The following PCNT variants were observed in gnomAD, a reference collection of about 807,000 sequenced individuals.
PCNT encodes the protein kendrin.
PCNT carries 319 observed loss-of-function variants against 380.4 expected under a neutral mutation model. That is an observed-to-expected ratio of 0.84 (90% CI 0.77 to 0.92). PCNT has a LOEUF of 0.92. Ranked by LOEUF, PCNT falls within the 40% of genes least tolerant of loss-of-function variation. The pLI is 0.00. For synonymous variants in PCNT, 1,845 were observed against 1,735.2 expected, an observed-to-expected ratio of 1.06 and a Z score of -1.57; for missense variants, 4,400 against 4,255.3, an observed-to-expected ratio of 1.03 and a Z score of -0.95.
At chr21:46,356,515 C>T (rs1256583567) in intron 12 of PCNT, among the ~76,000 whole-genome samples, 2 of 152,242 alleles carry the variant, frequency 1.3e-5, no homozygotes, top group Non-Finnish European at 2.9e-5. Context: ...GGGTAGCGTG[C>T]CTGGGCACAG....
chr21:46,345,820 G>A (rs1392347254), intron 3 of PCNT, among the ~76,000 whole-genome samples: 2 of 152,194 alleles, frequency 1.3e-5, no homozygotes, highest in Non-Finnish European at 2.9e-5. Context: ...GATGTAAACG[G>A]AACCTCACCA....
intron 4 of PCNT, 115 bp from the exon 5 acceptor site, chr21:46,346,628 C>G: frequency 1.5e-6 from 2 of 1,311,446 alleles, no homozygotes; most frequent in Non-Finnish European, 1.1e-6. Flanking sequence ...CACGGGATGT[C>G]TGCTGTTTCA....
intron 21 of PCNT, among the ~76,000 whole-genome samples, chr21:46,393,114 G>A (rs764622138): frequency 8.5e-5 from 13 of 152,120 alleles, no homozygotes; most frequent in South Asian, 2.1e-4. Flanking sequence ...TCAGGGCGGC[G>A]TCATCTCCCC....
chr21:46,365,247 ATTCACTCCCATGGAGTTCTG>A (rs2084859889), intron 14 of PCNT, among the ~76,000 whole-genome samples: 2 of 143,502 alleles, frequency 1.4e-5, no homozygotes, highest in Non-Finnish European at 3.0e-5. Context: ...GGTTCTATTC[ATTCACTCCCATGGAGTTCTG>A]TTCACTCCCA....
chr21:46,402,355 GA>G lies in PCNT; in HGVS notation c.4991del (p.Lys1664ArgfsTer2). On this transcript the variant is annotated frameshift_variant, in exon 27 of 47. Transcript: ENST00000359568. LOFTEE classifies it high-confidence loss of function. Reference protein sequence around the residue: ...SEVLDLKEQLEKMKGDLESKN... With the variant: ...SEVLDLKEQLXKMKGDLESKN... ...GGTTTTGGACTTAAAAGAACAGCTA[GA>G]AAAGATGAAAGGTGACTTAGAAAGT... is the stretch of plus-strand genomic sequence containing the variant. 1 of 1,609,606 alleles carries G rather than the reference GA, an allele frequency of 6.2e-7. No individual in the cohort carries two copies. Among genetic ancestry groups the G allele is most frequent in the Non-Finnish European group, 8.5e-7 (1 of 1,175,918 alleles).
In PCNT at chr21:46,391,354, G is replaced by A. The variant is rs757863713; in HGVS notation, c.4194G>A (p.Thr1398=). Reference sequence around the variant, plus strand: ...GGAGTCGGGGGGAGGCCACAGCCACGGACGCCGAGGCCAGAGAAGCTGGTA... The same window carrying A: ...GGAGTCGGGGGGAGGCCACAGCCACAGACGCCGAGGCCAGAGAAGCTGGTA... ...RLWSRGEATA[T]DAEAREAALR... Residue 1398 remains threonine, a synonymous_variant, in exon 21 of 47, where the codon ACG becomes ACA. Transcript: ENST00000359568. The A allele has an allele frequency of 1.4e-5, 21 of 1,551,614 alleles. No homozygotes were observed. In the East Asian group the frequency reaches 3.4e-4, roughly 25 times the overall value.
At chr21:46,442,068 G>A (rs1311551306) in intron 43 of PCNT, among the ~76,000 whole-genome samples, 1 of 152,212 alleles carries the variant, frequency 6.6e-6, no homozygotes, top group Admixed American at 6.5e-5. Context: ...GAGGGCTGGG[G>A]TCTCCGTGTT....
In PCNT at chr21:46,359,480, G is replaced by GTTGTTTTTTTTTT. The variant is rs2084609442; in HGVS notation, c.2154+2291_2154+2292insGTTTTTTTTTTTT. On this transcript the variant is annotated intron_variant, in intron 13 of 46. Coordinates refer to ENST00000359568, the MANE Select transcript of PCNT (RefSeq NM_006031.6). Reference sequence around the variant, plus strand: ...TAGTATTCTGTCCAAAAATACACCTGTTTTTTTTTTGTTTTTTTTTTTTTT... The same window carrying GTTGTTTTTTTTTT: ...TAGTATTCTGTCCAAAAATACACCTGTTGTTTTTTTTTTTTTTTTTTTTGTTTTTTTTTTTTTT... Among the ~76,000 whole-genome samples the GTTGTTTTTTTTTT allele has an allele frequency of 2.7e-4, 18 of 65,732 alleles. 4 individuals carry two copies. The highest frequency in any genetic ancestry group is 5.1e-4 in the Non-Finnish European group (15 of 29,608). The allele number at this position is 65,732 out of a possible 152,430, so 43.1% of individuals were successfully genotyped here. A position where few individuals can be genotyped will look rare whatever the true frequency, so the allele number is the denominator to read the frequency against.
rs926181035 is a variant in PCNT, at chr21:46,425,778, G to A, written c.7180-53G>A. 15 of 1,606,840 alleles carry A rather than the reference G, an allele frequency of 9.3e-6. No homozygotes were observed. The African/African-American group carries it at 9.4e-5, about 10-fold the overall frequency. ...CTCGGGGCCGCAGGTGGTGTAGAGC[G>A]TGGCTGTGTGGGGTGGCAGGCAACT... On this transcript the variant is annotated intron_variant, in intron 32 of 46. Coordinates refer to ENST00000359568, the MANE Select transcript of PCNT (RefSeq NM_006031.6). This position sits in a 1 kb window ranked among gnomAD's most constrained non-coding sequence, Gnocchi z 4.2.
chr21:46,413,198 GCCCACCCGGGAGAGGC>G (rs2086861784), intron 29 of PCNT, among the ~76,000 whole-genome samples: 3 of 132,170 alleles, frequency 2.3e-5, no homozygotes, highest in Non-Finnish European at 3.2e-5. Context: ...AAGGCACGAG[GCCCACCCGGGAGAGGC>G]TGGACACGCA....
chr21:46,396,899 G>A (rs992657673), intron 21 of PCNT, among the ~76,000 whole-genome samples: 2 of 152,084 alleles, frequency 1.3e-5, no homozygotes, highest in African/African-American at 2.4e-5. Context: ...CACCCCACCC[G>A]ACCTAGATTC....
chr21:46,399,061 T>C (rs1040102596), intron 24 of PCNT, among the ~76,000 whole-genome samples: 2 of 151,916 alleles, frequency 1.3e-5, no homozygotes, highest in Admixed American at 6.6e-5. Context: ...CCTCGTGATC[T>C]GCCTGCCTCA....
chr21:46,392,664 C>T (rs1393425540), intron 21 of PCNT, among the ~76,000 whole-genome samples: 1 of 152,216 alleles, frequency 6.6e-6, no homozygotes. Flanking sequence ...ACATCTGGGT[C>T]CCACAAGCTT....
In PCNT at chr21:46,398,065, CA is replaced by C; in HGVS notation, c.4499del (p.Gln1500ArgfsTer37). On this transcript the variant is annotated frameshift_variant, in exon 23 of 47. Coordinates refer to ENST00000359568, the MANE Select transcript of PCNT (RefSeq NM_006031.6). LOFTEE classifies it high-confidence loss of function. The part of the protein sequence containing the change: ...HEREEFQQEI[Q>X]RLEGQLRQAA... ...GCGCGAGGAGTTCCAGCAGGAGATT[CA>C]GAGGCTGGAGGGGCAGCTCCGCCAG... is the stretch of plus-strand genomic sequence containing the variant. The C allele has an allele frequency of 1.3e-6, 2 of 1,597,332 alleles. No homozygotes were observed. Among genetic ancestry groups the C allele is most frequent in the Non-Finnish European group, 1.7e-6 (2 of 1,173,078 alleles).
At chr21:46,412,126 G>C (rs73909504) in intron 28 of PCNT, 59 bp downstream of exon 28, 1 of 1,562,018 alleles carries the variant, frequency 6.4e-7, no homozygotes, top group African/African-American at 1.4e-5. Context: ...TTTCTCCTTT[G>C]ATGTCAATGA....
chr21:46,437,117 T>C, intron 40 of PCNT, 36 bp downstream of exon 40: 7 of 1,439,922 alleles, frequency 4.9e-6, no homozygotes, highest in Non-Finnish European at 6.8e-6. Flanking sequence ...CTGGCCTGGC[T>C]CCTCCCCCAG....
chr21:46,343,739 C>T (rs1227172950), intron 3 of PCNT, among the ~76,000 whole-genome samples: 2 of 152,116 alleles, frequency 1.3e-5, no homozygotes, highest in African/African-American at 4.8e-5. Flanking sequence ...GCTGTGAATC[C>T]CTCTGGTCCT....
intron 17 of PCNT, among the ~76,000 whole-genome samples, chr21:46,387,232 T>C (rs1384232606): frequency 1.3e-5 from 2 of 152,228 alleles, no homozygotes; most frequent in Non-Finnish European, 2.9e-5. Flanking sequence ...GGGGTGTCTG[T>C]GCAGGTCTCT....
intron 16 of PCNT, among the ~76,000 whole-genome samples, chr21:46,383,906 GCATTCACAGTGTTGTGCGTTCAGTGGCA>G (rs1569230643): frequency 7.0e-6 from 1 of 143,828 alleles, no homozygotes. Context: ...TGGCAGAAGC[GCATTCACAGTGTTGTGCGTTCAGTGGCA>G]GAAGCGCATT....
Sources: gnomAD v4.1 joint callset for allele counts (sites outside exome capture counted in the v4.1 genomes callset) on GRCh38, gnomAD v4.1.1 for gene constraint, Gnocchi (gnomAD v3.1) non-coding constraint, MANE v1.5 for transcripts, NCBI Gene and HGNC (gene_info 2026-07-23, HGNC 2026-07-21) for gene names.